The following MS4A10 variants were observed in gnomAD, a reference collection of about 807,000 sequenced individuals.
MS4A10 encodes the protein membrane spanning 4-domains A10, also known as membrane-spanning 4-domains subfamily A member 10.
In MS4A10, 27 loss-of-function variants were observed where a neutral mutation model predicts 27.7. That is an observed-to-expected ratio of 0.98 (90% CI 0.72 to 1.35). MS4A10 has a LOEUF of 1.35. Among genes scored for constraint, MS4A10 ranks in the 40% most tolerant of loss-of-function variants. The pLI, the probability that MS4A10 is intolerant of heterozygous loss-of-function variation, is 0.00. For synonymous variants in MS4A10, 139 were observed against 131.2 expected (o/e 1.06, Z -0.41); for missense variants, 338 against 324.7 (o/e 1.04, Z -0.32).
chr11:60,796,232 T>C (rs1320206766), intron 6 of MS4A10, among the ~76,000 whole-genome samples: 1 of 149,536 alleles, frequency 6.7e-6, no homozygotes, highest in Non-Finnish European at 1.5e-5. Context: ...TGGATGGATA[T>C]AGACGTGCAG....
intron 5 of MS4A10, among the ~76,000 whole-genome samples, chr11:60,794,848 C>T (rs1256370379): frequency 1.3e-5 from 2 of 152,060 alleles, no homozygotes; most frequent in East Asian, 3.9e-4. Context: ...CCACGCCAGG[C>T]TAATTTTTGT....
intron 5 of MS4A10, among the ~76,000 whole-genome samples, chr11:60,794,800 C>T (rs985125782): frequency 6.6e-6 from 1 of 152,084 alleles, no homozygotes; most frequent in African/African-American, 2.4e-5. Context: ...CTCAGCCTCT[C>T]GAGTAGCTAG....
chr11:60,788,283 C>T (rs553734510), intron 1 of MS4A10, among the ~76,000 whole-genome samples: 1 of 152,282 alleles, frequency 6.6e-6, no homozygotes, highest in East Asian at 1.9e-4. Flanking sequence ...GAGTCCAACT[C>T]CCTGTTGGAT....
At chr11:60,793,169 G>C (rs758203485) in intron 4 of MS4A10, among the ~76,000 whole-genome samples, 4 of 152,128 alleles carry the variant, frequency 2.6e-5, no homozygotes, top group Non-Finnish European at 4.4e-5. Flanking sequence ...GGCTGTGGTT[G>C]CTCCCTACTT....
Position 60,790,478 on chromosome 11 carries a change from A to G in MS4A10, c.143A>G (p.Glu48Gly). 6.2e-7 allele frequency: 1 copy of G among 1,614,168 alleles called. No homozygotes were observed. Reference sequence around the variant, plus strand: ...AAGCTCCTGGCTCCACACCAGCACGAGAAGTCCCAGAAGAAGAGCAGCCTT... The same window carrying G: ...AAGCTCCTGGCTCCACACCAGCACGGGAAGTCCCAGAAGAAGAGCAGCCTT... ...QPKLLAPHQHEKSQKKSSLLK... is the reference protein window; with the variant it reads ...QPKLLAPHQHGKSQKKSSLLK... The change falls in exon 2 of 8, where the codon GAG becomes GGG. Residue 48 changes from glutamate to glycine, a missense_variant. By Grantham distance (98) the Glu-to-Gly change is moderately conservative. Coordinates refer to ENST00000308287, the MANE Select transcript of MS4A10 (RefSeq NM_206893.4).
At chr11:60,798,544 C>A in intron 7 of MS4A10, 30 bp downstream of exon 7, 1 of 1,544,676 alleles carries the variant, frequency 6.5e-7, no homozygotes, top group Non-Finnish European at 8.9e-7. Flanking sequence ...GCTCCCCAGA[C>A]CTTCAGAACC....
intron 7 of MS4A10, among the ~76,000 whole-genome samples, 155 bp from the exon 8 acceptor site, chr11:60,799,673 C>A (rs1214718815): frequency 6.6e-6 from 1 of 152,214 alleles, no homozygotes; most frequent in Admixed American, 6.5e-5. Context: ...CACCTGGATT[C>A]TCTTCCCCCA....
At chr11:60,795,754 C>T (rs997903385) in intron 6 of MS4A10, 89 bp downstream of exon 6, 2 of 747,316 alleles carry the variant, frequency 2.7e-6, no homozygotes, top group Non-Finnish European at 3.9e-6. Flanking sequence ...GTGGGGGTTA[C>T]AAGAGGAGCG....
Position 60,800,160 on chromosome 11 carries a change from T to C in MS4A10, c.*251T>C. 1 of 537,330 alleles carries C rather than the reference T, an allele frequency of 1.9e-6. No individual in the cohort carries two copies. The highest frequency in any genetic ancestry group is 3.3e-6 in the Non-Finnish European group (1 of 307,090). 33.3% of individuals were successfully genotyped at this position (537,330 alleles called of 1,614,324 possible). A position where few individuals can be genotyped will look rare whatever the true frequency, so the allele number is the denominator to read the frequency against. On this transcript the variant is annotated 3_prime_UTR_variant, in exon 8 of 8. Transcript: ENST00000308287. ...TGTTTCGCTTTGTTTTGTTTTCTTT[T>C]GTTTTGTTGAGATGGAGTCTCGCTC...
chr11:60,790,755 A>G (rs951511245), intron 2 of MS4A10, among the ~76,000 whole-genome samples: 1 of 152,198 alleles, frequency 6.6e-6, no homozygotes, highest in Non-Finnish European at 1.5e-5. Context: ...GAAGGCTGCC[A>G]GCTCCAGGAT....
In MS4A10 at chr11:60,800,670, T is replaced by C. The variant is rs966265610; in HGVS notation, c.*761T>C. 2.6e-5 allele frequency: 4 copies of C among 152,270 alleles called. No individual in the cohort carries two copies. The highest frequency in any genetic ancestry group is 5.9e-5 in the Non-Finnish European group (4 of 68,060). The allele number at this position is 152,270 out of a possible 1,614,324, so 9.4% of individuals were successfully genotyped here. ...TCTTCTCCACTTCTGATCTGCTGCT[T>C]CTAACCTTCTATAGATTGCAGCTGG... is the stretch of plus-strand genomic sequence containing the variant. On this transcript the variant is annotated 3_prime_UTR_variant, in exon 8 of 8. Transcript: ENST00000308287.
At chr11:60,786,733 G>A (rs1310768605) in intron 1 of MS4A10, among the ~76,000 whole-genome samples, 1 of 152,160 alleles carries the variant, frequency 6.6e-6, no homozygotes, top group Non-Finnish European at 1.5e-5. Flanking sequence ...GAGCCTCACT[G>A]GTGGGATTCT....
chr11:60,792,461 G>C, intron 4 of MS4A10, 140 bp downstream of exon 4: 1 of 682,648 alleles, frequency 1.5e-6, no homozygotes, highest in Non-Finnish European at 2.6e-6. Context: ...GACAGCAGAG[G>C]ATGTCCAAGC....
chr11:60,790,623 T>G, intron 2 of MS4A10, 105 bp downstream of exon 2: 1 of 1,237,686 alleles, frequency 8.1e-7, no homozygotes, highest in East Asian at 2.5e-5. Context: ...AGAGAAAGGC[T>G]CCAGCTTTCC....
intron 1 of MS4A10, among the ~76,000 whole-genome samples, chr11:60,786,277 T>C (rs1004470978): frequency 2.0e-5 from 3 of 152,070 alleles, no homozygotes; most frequent in South Asian, 2.1e-4. Context: ...ATATTATTCA[T>C]GCCACGTTTC....
intron 1 of MS4A10, among the ~76,000 whole-genome samples, chr11:60,786,450 C>T (rs1257986272): frequency 6.6e-6 from 1 of 152,106 alleles, no homozygotes; most frequent in Non-Finnish European, 1.5e-5. Context: ...TCCCTCACGA[C>T]CCCCTACCCC....
rs1417195272 is a variant in MS4A10 at position 60,791,031 on chromosome 11, A to G, written c.241A>G (p.Ile81Val). ...GGTCTTTGGGGGCTACCTGGCCTCT[A>G]TAGTCAAGAACCTTCACCTGGTGGT... is the stretch of plus-strand genomic sequence containing the variant. ...HLVFGGYLAS[I>V]VKNLHLVVLK... The change falls in exon 3 of 8, where the codon ATA (isoleucine) becomes GTA (valine). Residue 81 changes from isoleucine (I) to valine (V), a missense_variant. Transcript: ENST00000308287. The G allele has an allele frequency of 6.2e-7, 1 of 1,614,108 alleles. No individual in the cohort carries two copies. The highest frequency in any genetic ancestry group is 2.2e-5 in the East Asian group (1 of 44,864).
chr11:60,791,735 T>C (rs1278063872), intron 3 of MS4A10, among the ~76,000 whole-genome samples: 1 of 152,264 alleles, frequency 6.6e-6, no homozygotes, highest in African/African-American at 2.4e-5. Context: ...GATGGGGCTT[T>C]CACTGCACAG....
chr11:60,789,239 C>T (rs181592048), intron 1 of MS4A10, among the ~76,000 whole-genome samples: 1 of 152,274 alleles, frequency 6.6e-6, no homozygotes, highest in African/African-American at 2.4e-5. Context: ...TGAGAGCAGC[C>T]TCTCTCTCTC....
Sources: allele counts gnomAD v4.1 joint callset (sites outside exome capture counted in the v4.1 genomes callset), GRCh38; gene constraint gnomAD v4.1.1; transcripts MANE v1.5; gene names NCBI Gene and HGNC (gene_info 2026-07-23, HGNC 2026-07-21).